Variants in CAP2 observed in about 807,000 individuals in gnomAD.
CAP2 encodes the protein cyclase associated actin cytoskeleton regulatory protein 2.
CAP2 carries 24 observed loss-of-function variants against 57.7 expected under a neutral mutation model. The ratio of observed to expected loss-of-function variants is 0.42; its 90% CI spans 0.30 to 0.58. CAP2 has a LOEUF of 0.58. CAP2 is among the 20% of genes least tolerant of loss of function. CAP2 has a pLI of 0.22. For missense variants in CAP2, 501 were observed against 590.3 expected, an observed-to-expected ratio of 0.85 and a Z score of 1.57; for synonymous variants, 194 against 207.2, an observed-to-expected ratio of 0.94 and a Z score of 0.55.
At chr6:17,543,722 C>T (rs72835456) in intron 11 of CAP2, among the ~76,000 whole-genome samples, 1 of 152,224 alleles carries the variant, frequency 6.6e-6, no homozygotes, top group Non-Finnish European at 1.5e-5. Context: ...CTATCATCAC[C>T]TCCTTGGTAG....
chr6:17,501,678 C>T (rs930161318), intron 4 of CAP2, among the ~76,000 whole-genome samples: 1 of 152,136 alleles, frequency 6.6e-6, no homozygotes, highest in African/African-American at 2.4e-5. Context: ...TTCTACAAAG[C>T]TTGCTGATAA....
At chr6:17,519,307 G>A (rs1762339708) in intron 7 of CAP2, among the ~76,000 whole-genome samples, 1 of 152,082 alleles carries the variant, frequency 6.6e-6, no homozygotes, top group Admixed American at 6.6e-5. Context: ...TTTGAGACCA[G>A]CGATTTGAAG....
At position 17,438,897 on chromosome 6, in the gene CAP2, T is replaced by C. The variant is rs959339792; in HGVS notation, c.222+12207T>C. On this transcript the variant is annotated intron_variant, in intron 3 of 12. Transcript: ENST00000229922. The stretch of plus-strand genomic sequence containing the variant: ...GGAGGCCAAGGTGGGCAGATGACGA[T>C]GTCAGGAGTTCAAGACCAGCCTGAC... Among the ~76,000 whole-genome samples, 3 of 150,372 alleles carry C rather than the reference T, an allele frequency of 2.0e-5. 1 individual carries two copies. Among genetic ancestry groups the C allele is most frequent in the East Asian group, 4.0e-4 (2 of 5,024 alleles).
At chr6:17,436,089 C>T (rs1759878128) in intron 3 of CAP2, among the ~76,000 whole-genome samples, 1 of 134,806 alleles carries the variant, frequency 7.4e-6, no homozygotes, top group Non-Finnish European at 1.6e-5. Flanking sequence ...TTCTTTCTTT[C>T]CTTCCTTCCT....
At chr6:17,409,390 G>A (rs894142919) in intron 1 of CAP2, among the ~76,000 whole-genome samples, 4 of 151,996 alleles carry the variant, frequency 2.6e-5, no homozygotes, top group African/African-American at 9.7e-5. Context: ...AGGAAGTGTG[G>A]TGTGTGAGAT....
chr6:17,436,993 G>A (rs1158889635), intron 3 of CAP2, among the ~76,000 whole-genome samples: 3 of 152,146 alleles, frequency 2.0e-5, no homozygotes, highest in African/African-American at 7.2e-5. Flanking sequence ...CTCCTTATGA[G>A]AATCTAATGC....
At position 17,491,298 on chromosome 6, in the gene CAP2, G is replaced by A. The variant is rs148136349; in HGVS notation, c.301-15871G>A. Reference sequence around the variant, plus strand: ...CCTAAGTTTCCACCCCATTCTAAAGGGCCTGCATTGTAAGCATGTCCTTCT... The same window carrying A: ...CCTAAGTTTCCACCCCATTCTAAAGAGCCTGCATTGTAAGCATGTCCTTCT... On this transcript the variant is annotated intron_variant, in intron 4 of 12. Coordinates refer to ENST00000229922, the MANE Select transcript of CAP2 (RefSeq NM_006366.3). Among the ~76,000 whole-genome samples the A allele has an allele frequency of 5.3e-5, 8 of 152,058 alleles. No individual in the cohort carries two copies. In the East Asian group the frequency reaches 1.2e-3, roughly 22 times the overall value.
At chr6:17,404,462 G>A (rs1758898692) in intron 1 of CAP2, among the ~76,000 whole-genome samples, 1 of 152,164 alleles carries the variant, frequency 6.6e-6, no homozygotes, top group Non-Finnish European at 1.5e-5. Flanking sequence ...AAAAATAGCT[G>A]GGCGTGGTGG....
chr6:17,518,010 A>G (rs1762308817), intron 7 of CAP2, among the ~76,000 whole-genome samples: 1 of 152,288 alleles, frequency 6.6e-6, no homozygotes, highest in Non-Finnish European at 1.5e-5. Context: ...GACAGCTGTT[A>G]TTTATATTAT....
At chr6:17,482,682 C>T (rs1267115390) in intron 4 of CAP2, among the ~76,000 whole-genome samples, 3 of 152,138 alleles carry the variant, frequency 2.0e-5, no homozygotes, top group Non-Finnish European at 4.4e-5. Context: ...TTTATGTTCA[C>T]GTGGTTTCTC....
At chr6:17,527,594 T>TTTA (rs1247496961) in intron 7 of CAP2, among the ~76,000 whole-genome samples, 3 of 92,776 alleles carry the variant, frequency 3.2e-5, no homozygotes, top group African/African-American at 1.2e-4. Context: ...TTTTGTTCTC[T>TTTA]TTCTTTTTTT....
intron 4 of CAP2, among the ~76,000 whole-genome samples, chr6:17,469,339 T>C (rs943510507): frequency 3.3e-5 from 5 of 152,324 alleles, no homozygotes; most frequent in Middle Eastern, 3.4e-3. Context: ...ACACTTTCCC[T>C]ATTTTCTCCA....
chr6:17,471,387 A>G (rs1272771839), intron 4 of CAP2, among the ~76,000 whole-genome samples: 1 of 152,238 alleles, frequency 6.6e-6, no homozygotes, highest in East Asian at 1.9e-4. Context: ...ATTGCTATGA[A>G]GTTGGGTTTT....
chr6:17,401,649 G>A (rs918009642), intron 1 of CAP2, among the ~76,000 whole-genome samples: 1 of 152,184 alleles, frequency 6.6e-6, no homozygotes, highest in Non-Finnish European at 1.5e-5. Context: ...TCTATCTCTC[G>A]GCAGTCATGC....
rs1348588946 is a variant in CAP2, at chr6:17,510,270, A to G, written c.530+2544A>G. Among the ~76,000 whole-genome samples, 16 of 152,318 alleles carry G rather than the reference A, an allele frequency of 1.1e-4. No individual in the cohort carries two copies. The East Asian group carries it at 2.5e-3, about 24-fold the overall frequency. ...AACTGAGTGATAACTCTGCTGAGCT[A>G]AACTATGGAATTGCACACTGGAAAT... On this transcript the variant is annotated intron_variant, in intron 6 of 12. Transcript: ENST00000229922.
intron 3 of CAP2, among the ~76,000 whole-genome samples, chr6:17,439,958 A>C (rs1760024889): frequency 6.6e-6 from 1 of 151,482 alleles, no homozygotes; most frequent in South Asian, 2.1e-4. Context: ...TGTGTAATAG[A>C]GTTAATTCCC....
At chr6:17,553,006 C>T (rs867555028) in intron 12 of CAP2, among the ~76,000 whole-genome samples, 6 of 152,206 alleles carry the variant, frequency 3.9e-5, no homozygotes, top group Non-Finnish European at 5.9e-5. Context: ...CCCTGAGATA[C>T]AGAAGAGTCC....
intron 4 of CAP2, among the ~76,000 whole-genome samples, chr6:17,473,812 T>C (rs1329965246): frequency 6.6e-6 from 1 of 152,212 alleles, no homozygotes; most frequent in Non-Finnish European, 1.5e-5. Context: ...CATTTGATAT[T>C]AGTGTTTATG....
intron 1 of CAP2, among the ~76,000 whole-genome samples, chr6:17,405,100 A>G (rs1460197299): frequency 6.6e-6 from 1 of 152,072 alleles, no homozygotes; most frequent in Non-Finnish European, 1.5e-5. Flanking sequence ...TTAATATATA[A>G]GGCCGGGTGT....
Sources: allele counts gnomAD v4.1 joint callset (sites outside exome capture counted in the v4.1 genomes callset), GRCh38; gene constraint gnomAD v4.1.1; transcripts MANE v1.5; gene names NCBI Gene and HGNC (gene_info 2026-07-23, HGNC 2026-07-21).